The following GRB10 variants were observed in gnomAD, a reference collection of about 807,000 sequenced individuals.
GRB10 encodes the protein growth factor receptor bound protein 10, also known as growth factor receptor-bound protein 10.
In GRB10, 20 loss-of-function variants were observed where a neutral mutation model predicts 80.9. The observed-to-expected ratio is 0.25, with a 90% CI of 0.17 to 0.36. The LOEUF (loss-of-function observed/expected upper bound fraction) is 0.36. GRB10 is among the 10% of genes least tolerant of loss of function. The probability of loss-of-function intolerance (pLI) is 1.00; values close to 1 mark genes in which losing one functional copy is unlikely to be tolerated. For synonymous variants in GRB10, 291 were observed against 291.5 expected (o/e 1.00, Z 0.02); for missense variants, 548 against 747.7 (o/e 0.73, Z 3.12).
chr7:50,635,962 C>CTTTTTTTTTTTTTTT, intron 7 of GRB10, among the ~76,000 whole-genome samples: 1 of 71,012 alleles, frequency 1.4e-5, no homozygotes, highest in Non-Finnish European at 2.3e-5. Context: ...TTTTCCTTTC[C>CTTTTTTTTTTTTTTT]TTTTTTTTTT....
At chr7:50,787,281 A>AGGG (rs1453462649), upstream of GRB10, among the ~76,000 whole-genome samples, 1 of 151,740 alleles carries the variant, frequency 6.6e-6, no homozygotes, top group Non-Finnish European at 1.5e-5. Flanking sequence ...GAGGAGGAGG[A>AGGG]GGAGGAGGAG....
chr7:50,665,292 C>T (rs746203330), intron 7 of GRB10, among the ~76,000 whole-genome samples: 6 of 152,236 alleles, frequency 3.9e-5, no homozygotes, highest in African/African-American at 7.2e-5. Context: ...CTCAGGTAAA[C>T]GCAAGACCAA....
intron 3 of GRB10, among the ~76,000 whole-genome samples, chr7:50,739,057 C>A (rs7782797): frequency 0.65 from 99,013 of 152,024 alleles, 35,391 homozygotes; most frequent in Middle Eastern, 0.84. Context: ...TCAGAAAAAT[C>A]GTTCAAGCAG....
chr7:50,771,475 A>G (rs2076970946), intron 2 of GRB10, among the ~76,000 whole-genome samples: 1 of 152,194 alleles, frequency 6.6e-6, no homozygotes, highest in Admixed American at 6.5e-5. Context: ...GTCAGAAGGA[A>G]AATGTCATAT....
At chr7:50,606,467 C>T in intron 13 of GRB10, 53 bp from the exon 14 acceptor site, 1 of 1,329,470 alleles carries the variant, frequency 7.5e-7, no homozygotes, top group Non-Finnish European at 1.1e-6. Flanking sequence ...CGAGGCCCGG[C>T]ATGTGACAAA....
intron 13 of GRB10, chr7:50,606,739 T>A (rs1173552479): frequency 6.0e-6 from 2 of 332,436 alleles, no homozygotes; most frequent in African/African-American, 4.2e-5. Flanking sequence ...CATATTTTTA[T>A]AAGGAAGCTA....
chr7:50,651,530 C>T (rs376111725), intron 7 of GRB10, among the ~76,000 whole-genome samples: 1 of 152,318 alleles, frequency 6.6e-6, no homozygotes, highest in East Asian at 1.9e-4. Flanking sequence ...CTTGATGAAT[C>T]ACATCTGCAA....
At chr7:50,622,729 G>C (rs2052039455) in intron 8 of GRB10, among the ~76,000 whole-genome samples, 1 of 152,020 alleles carries the variant, frequency 6.6e-6, no homozygotes, top group Non-Finnish European at 1.5e-5. Context: ...TCAAGTTCAG[G>C]GGGCATCAAG....
At chr7:50,787,483 A>G (rs2078742746), upstream of GRB10, among the ~76,000 whole-genome samples, 1 of 152,240 alleles carries the variant, frequency 6.6e-6, no homozygotes, top group South Asian at 2.1e-4. Flanking sequence ...GGAATTAGGA[A>G]ACCAGGTGAC....
At chr7:50,633,895 A>G (rs1418185253) in intron 7 of GRB10, among the ~76,000 whole-genome samples, 1 of 152,206 alleles carries the variant, frequency 6.6e-6, no homozygotes, top group Non-Finnish European at 1.5e-5. Context: ...GAGAAATGTA[A>G]GATTATTTAA....
At chr7:50,791,150 T>C (rs1317021497) in intron 1 of GRB10, among the ~76,000 whole-genome samples, 1 of 152,204 alleles carries the variant, frequency 6.6e-6, no homozygotes. Flanking sequence ...ATGCAATAGA[T>C]GACTTTAGGG....
At position 50,753,109 on chromosome 7, in the gene GRB10, C is replaced by T. The variant is rs566665547; in HGVS notation, c.-47+2778G>A. On this transcript the variant is annotated intron_variant, in intron 3 of 18. Transcript: ENST00000401949. ...CAGCTGATTCCCCCAAGTCTAGTGC[C>T]ATGGCCCGTCACTATAGGGTCTGGG... Among the ~76,000 whole-genome samples the T allele has an allele frequency of 8.9e-4, 136 of 152,336 alleles. 1 individual carries two copies. Among genetic ancestry groups the T allele is most frequent in the African/African-American group, 3.1e-3 (130 of 41,588 alleles).
At chr7:50,596,084 T>C (rs957322447) in intron 17 of GRB10, among the ~76,000 whole-genome samples, 1 of 152,174 alleles carries the variant, frequency 6.6e-6, no homozygotes, top group African/African-American at 2.4e-5. Flanking sequence ...AAACTACCCT[T>C]TGGCAATTAC....
chr7:50,761,142 T>C (rs907805242), intron 2 of GRB10, among the ~76,000 whole-genome samples: 4 of 152,220 alleles, frequency 2.6e-5, no homozygotes, highest in African/African-American at 4.8e-5. Context: ...AGACGGTAAT[T>C]ATATGCCAAG....
intron 3 of GRB10, among the ~76,000 whole-genome samples, chr7:50,748,242 C>A (rs1409460913): frequency 2.0e-5 from 3 of 152,204 alleles, no homozygotes; most frequent in African/African-American, 7.2e-5. Context: ...CTCCTCTCTG[C>A]CTAGCACCCT....
chr7:50,779,069 C>T (rs945560699), intron 2 of GRB10: 4 of 152,200 alleles, frequency 2.6e-5, no homozygotes, highest in African/African-American at 4.8e-5. Context: ...TAGGGCTAAT[C>T]ACTAGAAAAT....
intron 2 of GRB10, among the ~76,000 whole-genome samples, chr7:50,767,731 A>AATCAG (rs1165152066): frequency 6.6e-6 from 1 of 152,126 alleles, no homozygotes; most frequent in East Asian, 1.9e-4. Context: ...ATCTTTCTTA[A>AATCAG]ATCAGACCCA....
intron 8 of GRB10, among the ~76,000 whole-genome samples, chr7:50,624,548 G>C (rs769519559): frequency 5.9e-5 from 9 of 152,232 alleles, no homozygotes; most frequent in South Asian, 2.1e-4. Context: ...TCACAAAACA[G>C]TATTCAGAGA....
Position 50,782,109 on chromosome 7 carries a change from G to A in GRB10, c.-327+315C>T, listed in dbSNP as rs866575343. ...GGCGAGGAAGGAGCGGGCGAGGTTC[G>A]CTCGAATCGTCGTCACGGGTTTCCG... On this transcript the variant is annotated intron_variant, in intron 1 of 18. Coordinates refer to ENST00000401949, the MANE Select transcript of GRB10 (RefSeq NM_001350814.2). The surrounding 1 kb of genome is among the most constrained non-coding windows in gnomAD (Gnocchi z 6.6). 6.6e-6 allele frequency among the ~76,000 whole-genome samples: 1 copy of A among 152,310 alleles called. No homozygotes were observed. Among genetic ancestry groups the A allele is most frequent in the East Asian group, 1.9e-4 (1 of 5,182 alleles).
Sources: allele counts gnomAD v4.1 joint callset (sites outside exome capture counted in the v4.1 genomes callset), GRCh38; gene constraint gnomAD v4.1.1; non-coding constraint Gnocchi (gnomAD v3.1); transcripts MANE v1.5; gene names NCBI Gene and HGNC (gene_info 2026-07-23, HGNC 2026-07-21).